Variants in ARHGAP44 observed in about 807,000 individuals in gnomAD.
The protein encoded by ARHGAP44 is rho GTPase-activating protein 44.
A neutral mutation model predicts 106.8 loss-of-function variants in ARHGAP44; 43 were observed. That is an observed-to-expected ratio of 0.40 (90% CI 0.32 to 0.52). The LOEUF is 0.52. Among genes scored for constraint, ARHGAP44 ranks in the 20% least tolerant of loss-of-function variants. The probability of loss-of-function intolerance (pLI) is 0.48; values close to 1 mark genes in which losing one functional copy is unlikely to be tolerated. For missense variants in ARHGAP44, 866 were observed against 1,050.5 expected (o/e 0.82, Z 2.43); for synonymous variants, 439 against 410.3 (o/e 1.07, Z -0.85).
intron 1 of ARHGAP44, among the ~76,000 whole-genome samples, chr17:12,810,742 C>A (rs1283222815): frequency 6.6e-6 from 1 of 152,142 alleles, no homozygotes; most frequent in African/African-American, 2.4e-5. Context: ...CACCCCAGAC[C>A]TTTCCCTGTC....
intron 1 of ARHGAP44, among the ~76,000 whole-genome samples, chr17:12,886,215 A>G (rs2036878139): frequency 6.6e-6 from 1 of 152,078 alleles, no homozygotes; most frequent in Non-Finnish European, 1.5e-5. Flanking sequence ...TTTTGCCAAG[A>G]CCGTACTCTC....
intron 19 of ARHGAP44, among the ~76,000 whole-genome samples, chr17:12,983,264 TAAAAAA>T (rs56038306): frequency 0.014 from 1,331 of 95,818 alleles, 25 homozygotes; most frequent in African/African-American, 0.051. Context: ...GACTCCATCT[TAAAAAA>T]AAAAAAAAAA....
chr17:12,969,336 A>G (rs1381220462), intron 16 of ARHGAP44, among the ~76,000 whole-genome samples: 7 of 152,216 alleles, frequency 4.6e-5, no homozygotes, highest in African/African-American at 1.7e-4. Context: ...CTTGGCACCT[A>G]TAAGCACAAA....
intron 1 of ARHGAP44, among the ~76,000 whole-genome samples, chr17:12,860,958 G>A (rs1272769825): frequency 6.7e-6 from 1 of 150,136 alleles, no homozygotes; most frequent in Non-Finnish European, 1.5e-5. Flanking sequence ...CAGGGTTCAA[G>A]TGATTCTTGT....
chr17:12,940,873 G>A (rs543795863), intron 7 of ARHGAP44, among the ~76,000 whole-genome samples, 183 bp from the exon 8 acceptor site: 1 of 151,236 alleles, frequency 6.6e-6, no homozygotes, highest in Admixed American at 6.6e-5. Context: ...TCAAACTTAC[G>A]CATTTTTCAG....
At chr17:12,897,884 G>T (rs924103977) in intron 3 of ARHGAP44, among the ~76,000 whole-genome samples, 1 of 152,056 alleles carries the variant, frequency 6.6e-6, no homozygotes, top group African/African-American at 2.4e-5. Context: ...GGGATCAGAT[G>T]AATTTACCTG....
At chr17:12,820,788 T>A (rs1289032239) in intron 1 of ARHGAP44, among the ~76,000 whole-genome samples, 1 of 152,152 alleles carries the variant, frequency 6.6e-6, no homozygotes, top group Non-Finnish European at 1.5e-5. Context: ...TTTTATGTTA[T>A]CCCAGTGTGA....
chr17:12,908,953 G>A lies in ARHGAP44; in HGVS notation c.255G>A (p.Leu85=), dbSNP rs766311310. The A allele has an allele frequency of 4.4e-6, 7 of 1,595,670 alleles. No individual in the cohort carries two copies. Among genetic ancestry groups the A allele is most frequent in the Non-Finnish European group, 6.0e-6 (7 of 1,174,738 alleles). The change falls in exon 4 of 21, where the codon CTG becomes CTA. Residue 85 remains leucine, a synonymous_variant. Transcript: ENST00000379672. ...GTCTGATGGAGGGGTCAGCTATCCT[G>A]GGAGATGACACACTTCTTGGGTAAG... ...AQCLMEGSAI[L]GDDTLLGKML...
chr17:12,933,328 T>C (rs2038453784), intron 7 of ARHGAP44, among the ~76,000 whole-genome samples: 3 of 152,138 alleles, frequency 2.0e-5, no homozygotes, highest in African/African-American at 7.2e-5. Flanking sequence ...TTCCTCTTTT[T>C]TGAGGACCAA....
At chr17:12,791,377 A>G (rs1469005291) in intron 1 of ARHGAP44, among the ~76,000 whole-genome samples, 1 of 152,114 alleles carries the variant, frequency 6.6e-6, no homozygotes, top group Non-Finnish European at 1.5e-5. Context: ...TTAGCAGATG[A>G]CAGTCAAGCC....
intron 16 of ARHGAP44, among the ~76,000 whole-genome samples, chr17:12,971,748 A>G (rs1207334570): frequency 6.6e-6 from 1 of 152,184 alleles, no homozygotes; most frequent in African/African-American, 2.4e-5. Context: ...GGTCCAGGAA[A>G]GAGACATCCC....
At chr17:12,873,577 A>G (rs2036463027) in intron 1 of ARHGAP44, among the ~76,000 whole-genome samples, 1 of 152,226 alleles carries the variant, frequency 6.6e-6, no homozygotes, top group South Asian at 2.1e-4. Flanking sequence ...ATTGCATTGA[A>G]GTATAGTATA....
At chr17:12,843,902 C>G (rs1408741564) in intron 1 of ARHGAP44, among the ~76,000 whole-genome samples, 3 of 151,904 alleles carry the variant, frequency 2.0e-5, no homozygotes, top group African/African-American at 7.3e-5. Flanking sequence ...AGTGATCCAC[C>G]CACCTTGACC....
chr17:12,909,310 A>G (rs1027764316), intron 4 of ARHGAP44, among the ~76,000 whole-genome samples: 1 of 152,236 alleles, frequency 6.6e-6, no homozygotes, highest in Admixed American at 6.5e-5. Flanking sequence ...TGAGCTCACA[A>G]CAAAACAAAC....
intron 3 of ARHGAP44, among the ~76,000 whole-genome samples, chr17:12,898,500 C>T (rs986895626): frequency 6.6e-5 from 10 of 152,124 alleles, no homozygotes; most frequent in African/African-American, 2.4e-4. Context: ...GAGAAAAAGG[C>T]ACTTAATTGC....
At chr17:12,946,419 G>A (rs924705658) in intron 10 of ARHGAP44, among the ~76,000 whole-genome samples, 79 of 151,346 alleles carry the variant, frequency 5.2e-4, no homozygotes, top group African/African-American at 1.7e-3. Flanking sequence ...GCTGAGGTGG[G>A]AGGATCGCTT....
At chr17:12,893,113 G>A (rs2037097088) in intron 1 of ARHGAP44, among the ~76,000 whole-genome samples, 1 of 152,022 alleles carries the variant, frequency 6.6e-6, no homozygotes, top group Non-Finnish European at 1.5e-5. Context: ...CTCTAGTGGG[G>A]GGAGCAGTTT....
intron 16 of ARHGAP44, among the ~76,000 whole-genome samples, chr17:12,969,603 C>T (rs751833307): frequency 1.3e-5 from 2 of 152,198 alleles, no homozygotes; most frequent in African/African-American, 2.4e-5. Context: ...GGAGTCACCA[C>T]GTTATACCCA....
intron 1 of ARHGAP44, among the ~76,000 whole-genome samples, chr17:12,819,023 G>A (rs572215433): frequency 6.6e-6 from 1 of 152,136 alleles, no homozygotes; most frequent in Admixed American, 6.5e-5. Flanking sequence ...TTTAATTACA[G>A]TAAAGCTACT....
Sources: gnomAD v4.1 joint callset for allele counts (sites outside exome capture counted in the v4.1 genomes callset) on GRCh38, gnomAD v4.1.1 for gene constraint, MANE v1.5 for transcripts, NCBI Gene and HGNC (gene_info 2026-07-23, HGNC 2026-07-21) for gene names.